PDE8B: variants seen among roughly 807,000 people sequenced by gnomAD.
PDE8B encodes phosphodiesterase 8B, also known as high affinity cAMP-specific and IBMX-insensitive 3',5'-cyclic phosphodiesterase 8B.
In PDE8B, 26 loss-of-function variants were observed where a neutral mutation model predicts 101.3. That is an observed-to-expected ratio of 0.26 (90% confidence interval 0.19 to 0.36). PDE8B has a LOEUF of 0.36. Ranked by LOEUF, PDE8B falls within the 10% of genes least tolerant of loss-of-function variation. The pLI is 1.00. For synonymous variants in PDE8B, 424 were observed against 429.3 expected (o/e 0.99, Z 0.15); for missense variants, 810 against 1,163.1 (o/e 0.70, Z 4.42).
intron 1 of PDE8B, among the ~76,000 whole-genome samples, chr5:77,219,526 T>A (rs1405741274): frequency 6.6e-6 from 1 of 152,052 alleles, no homozygotes; most frequent in Non-Finnish European, 1.5e-5. Context: ...AACTGGAAGG[T>A]GATGACAAGG....
At chr5:77,277,570 T>C (rs1764093389) in intron 1 of PDE8B, among the ~76,000 whole-genome samples, 1 of 152,256 alleles carries the variant, frequency 6.6e-6, no homozygotes, top group Non-Finnish European at 1.5e-5. Context: ...ACATCAAAAA[T>C]GTAGGCTTAC....
chr5:77,296,805 G>C (rs562974919), intron 1 of PDE8B, among the ~76,000 whole-genome samples: 1 of 152,248 alleles, frequency 6.6e-6, no homozygotes, highest in African/African-American at 2.4e-5. Flanking sequence ...GGGAGAATCT[G>C]CTTGTTTCCC....
the PDE8B span, among the ~76,000 whole-genome samples, chr5:77,167,064 A>T: frequency 1.3e-5 from 2 of 152,248 alleles, no homozygotes; most frequent in South Asian, 4.1e-4. Flanking sequence ...TAGTGATTTC[A>T]AAACAAAGAT....
intron 1 of PDE8B, among the ~76,000 whole-genome samples, chr5:77,225,705 T>C (rs1043585796): frequency 1.1e-4 from 16 of 152,186 alleles, no homozygotes; most frequent in Admixed American, 6.5e-5. Context: ...TGTATACTTA[T>C]TCATCCAGTT....
intron 1 of PDE8B, among the ~76,000 whole-genome samples, chr5:77,238,779 G>A (rs1755182689): frequency 6.6e-6 from 1 of 152,194 alleles, no homozygotes; most frequent in African/African-American, 2.4e-5. Context: ...GTAAATTCTA[G>A]TACGAGTCCA....
chr5:77,183,249 A>G, the PDE8B span, among the ~76,000 whole-genome samples: 3 of 151,926 alleles, frequency 2.0e-5, no homozygotes, highest in African/African-American at 7.3e-5. Context: ...CCTCCCGAGT[A>G]GTTGGGGCTA....
chr5:77,197,609 C>G, the PDE8B span, among the ~76,000 whole-genome samples: 23,401 of 151,290 alleles, frequency 0.15, 2,254 homozygotes, highest in East Asian at 0.45. Flanking sequence ...AAGCTTTTAT[C>G]CCCTTTATCA....
intron 1 of PDE8B, among the ~76,000 whole-genome samples, chr5:77,306,072 T>G (rs984356801): frequency 1.3e-5 from 2 of 152,036 alleles, no homozygotes; most frequent in African/African-American, 2.4e-5. Flanking sequence ...ATGCATACCC[T>G]TTTTCTTCTT....
chr5:77,159,437 C>T, the PDE8B span, among the ~76,000 whole-genome samples: 1 of 152,170 alleles, frequency 6.6e-6, no homozygotes, highest in Non-Finnish European at 1.5e-5. Context: ...ACATCTTTCT[C>T]CTGTGCTGGA....
the PDE8B span, chr5:77,180,312 A>T: frequency 5.0e-6 from 2 of 400,498 alleles, no homozygotes; most frequent in Non-Finnish European, 3.4e-6. Context: ...CCAGAGTCCC[A>T]CGGAGCAACC....
the PDE8B span, among the ~76,000 whole-genome samples, chr5:77,195,797 C>A: frequency 6.6e-6 from 1 of 152,078 alleles, no homozygotes; most frequent in Admixed American, 6.6e-5. Flanking sequence ...ATTTACTATT[C>A]ATTATGTGAA....
At chr5:77,291,109 C>A in intron 1 of PDE8B, 1 of 1,610,910 alleles carries the variant, frequency 6.2e-7, no homozygotes, top group Non-Finnish European at 8.5e-7. Flanking sequence ...TTTGAAGATG[C>A]AGACCTCAGC....
chr5:77,096,419 T>A, the PDE8B span, among the ~76,000 whole-genome samples: 2 of 152,182 alleles, frequency 1.3e-5, no homozygotes, highest in Non-Finnish European at 2.9e-5. Flanking sequence ...GACTGGGTAA[T>A]TTATAATGAA....
At chr5:77,092,580 A>G in the PDE8B span, 3 of 152,170 alleles carry the variant, frequency 2.0e-5, no homozygotes, top group Admixed American at 6.6e-5. Flanking sequence ...TACTCTCCCT[A>G]TTCTCTTCAG....
chr5:77,418,149 G>T lies in PDE8B; in HGVS notation c.1912-80G>T, dbSNP rs577530489. The T allele has an allele frequency of 3.4e-4, 320 of 945,846 alleles. 2 individuals carry two copies. In the Middle Eastern group the frequency reaches 4.3e-3, roughly 13 times the overall value. 58.6% of individuals were successfully genotyped at this position (945,846 alleles called of 1,614,324 possible). A position where few individuals can be genotyped will look rare whatever the true frequency, so the allele number is the denominator to read the frequency against. ...CTGAAAATCTCAAATCCCCTGACCC[G>T]ACCCTCCGCACAGACAAGGATGGAT... On this transcript the variant is annotated intron_variant, in intron 17 of 21. Transcript: ENST00000264917.
the PDE8B span, chr5:77,139,785 G>A: frequency 1.3e-5 from 2 of 152,120 alleles, no homozygotes; most frequent in African/African-American, 4.8e-5. Context: ...GAACTATTTG[G>A]TTATTTTCTA....
At chr5:77,270,328 T>C (rs1359204778) in intron 1 of PDE8B, among the ~76,000 whole-genome samples, 1 of 152,270 alleles carries the variant, frequency 6.6e-6, no homozygotes, top group Non-Finnish European at 1.5e-5. Context: ...CTTTACTGAA[T>C]ATGTTTATCC....
At chr5:77,424,773 C>A (rs893954307) in intron 20 of PDE8B, among the ~76,000 whole-genome samples, 1 of 151,842 alleles carries the variant, frequency 6.6e-6, no homozygotes, top group Admixed American at 6.6e-5. Context: ...ATAACTCTTA[C>A]TGCTTCAAAG....
At chr5:77,244,415 G>A in intron 1 of PDE8B, among the ~76,000 whole-genome samples, 1 of 152,124 alleles carries the variant, frequency 6.6e-6, no homozygotes, top group East Asian at 1.9e-4. Flanking sequence ...AGGTCAGGAA[G>A]GAAAGAGAAA....
Sources: gnomAD v4.1 joint callset for allele counts (sites outside exome capture counted in the v4.1 genomes callset) on GRCh38, gnomAD v4.1.1 for gene constraint, MANE v1.5 for transcripts, NCBI Gene and HGNC (gene_info 2026-07-23, HGNC 2026-07-21) for gene names.